Variants in MINPP1 observed in about 807,000 individuals in gnomAD.
MINPP1 encodes multiple inositol-polyphosphate phosphatase 1.
A neutral mutation model predicts 46.1 loss-of-function variants in MINPP1; 28 were observed. The observed-to-expected ratio is 0.61, with a 90% CI of 0.45 to 0.83. The LOEUF (loss-of-function observed/expected upper bound fraction) is 0.83. Among genes scored for constraint, MINPP1 ranks in the 40% least tolerant of loss-of-function variants. The probability of loss-of-function intolerance (pLI) is 0.00; values close to 1 mark genes in which losing one functional copy is unlikely to be tolerated. For missense variants in MINPP1, 603 were observed against 610.0 expected (o/e 0.99, Z 0.12); for synonymous variants, 268 against 249.1 (o/e 1.08, Z -0.72).
intron 4 of MINPP1, among the ~76,000 whole-genome samples, chr10:87,522,023 A>T (rs1271433437): frequency 6.6e-6 from 1 of 152,154 alleles, no homozygotes; most frequent in Non-Finnish European, 1.5e-5. Context: ...AGTTTTCCCA[A>T]ACTGGATTGT....
At chr10:87,515,426 T>A (rs1019975181) in intron 3 of MINPP1, among the ~76,000 whole-genome samples, 7 of 152,114 alleles carry the variant, frequency 4.6e-5, no homozygotes, top group African/African-American at 1.7e-4. Flanking sequence ...AACTTCTAAT[T>A]TAAATGACTG....
chr10:87,545,604 T>A (rs1851876094), intron 4 of MINPP1, among the ~76,000 whole-genome samples: 1 of 152,218 alleles, frequency 6.6e-6, no homozygotes, highest in Non-Finnish European at 1.5e-5. Flanking sequence ...ATATGTCTTA[T>A]AATCCAGTGT....
chr10:87,522,640 G>T (rs1318989838), intron 4 of MINPP1, among the ~76,000 whole-genome samples: 1 of 152,210 alleles, frequency 6.6e-6, no homozygotes, highest in Non-Finnish European at 1.5e-5. Context: ...ATGATCATCT[G>T]AGCCTTCAGA....
At chr10:87,550,547 TCTG>T (rs1156280199) in intron 4 of MINPP1, among the ~76,000 whole-genome samples, 1 of 152,190 alleles carries the variant, frequency 6.6e-6, no homozygotes, top group Non-Finnish European at 1.5e-5. Flanking sequence ...TGGAAGTTAT[TCTG>T]CTCCTTATTT....
intron 4 of MINPP1, among the ~76,000 whole-genome samples, chr10:87,539,754 A>T (rs1248306762): frequency 6.6e-6 from 1 of 152,188 alleles, no homozygotes; most frequent in African/African-American, 2.4e-5. Context: ...CCATTTTCTT[A>T]GATTCTCAGA....
chr10:87,520,582 C>A (rs1289337449), intron 3 of MINPP1, among the ~76,000 whole-genome samples: 3 of 152,154 alleles, frequency 2.0e-5, no homozygotes, highest in Non-Finnish European at 4.4e-5. Flanking sequence ...ATACATTTCT[C>A]ATCCACCTAT....
intron 3 of MINPP1, among the ~76,000 whole-genome samples, chr10:87,515,026 G>C (rs1851393386): frequency 6.6e-6 from 1 of 151,772 alleles, no homozygotes; most frequent in African/African-American, 2.4e-5. Context: ...AGTGATGTTT[G>C]ATCATTAGAT....
At chr10:87,522,605 A>C (rs1350509860) in intron 4 of MINPP1, among the ~76,000 whole-genome samples, 2 of 152,194 alleles carry the variant, frequency 1.3e-5, no homozygotes, top group Non-Finnish European at 2.9e-5. Flanking sequence ...TTAATTTAAA[A>C]ATGCTTTATT....
At chr10:87,507,328 C>A (rs1225442130) in intron 1 of MINPP1, among the ~76,000 whole-genome samples, 2 of 152,134 alleles carry the variant, frequency 1.3e-5, no homozygotes, top group African/African-American at 4.8e-5. Flanking sequence ...TAGATAGTAA[C>A]AAGGATAAAA....
chr10:87,534,536 A>AT (rs571043081), intron 4 of MINPP1, among the ~76,000 whole-genome samples: 9 of 151,586 alleles, frequency 5.9e-5, no homozygotes, highest in South Asian at 4.2e-4. Context: ...ACCTTTGTAC[A>AT]TTTTTTTTTA....
At chr10:87,544,910 A>T (rs902762633) in intron 4 of MINPP1, among the ~76,000 whole-genome samples, 1 of 152,160 alleles carries the variant, frequency 6.6e-6, no homozygotes, top group East Asian at 1.9e-4. Flanking sequence ...ATATTCTGAG[A>T]TGTTATGTAA....
At chr10:87,535,862 G>A (rs562205035) in intron 4 of MINPP1, among the ~76,000 whole-genome samples, 473 of 152,264 alleles carry the variant, frequency 3.1e-3, no homozygotes, top group Non-Finnish European at 5.7e-3. Flanking sequence ...CAGGGAGCTC[G>A]AGTCTAGGGT....
At chr10:87,517,356 T>C (rs553458763) in intron 3 of MINPP1, among the ~76,000 whole-genome samples, 4 of 152,242 alleles carry the variant, frequency 2.6e-5, no homozygotes, top group South Asian at 2.1e-4. Flanking sequence ...CCGTAAAACA[T>C]GTACCTGTAG....
At chr10:87,545,398 C>T (rs1851872422) in intron 4 of MINPP1, among the ~76,000 whole-genome samples, 1 of 151,224 alleles carries the variant, frequency 6.6e-6, no homozygotes, top group Admixed American at 6.6e-5. Context: ...GTGATTTATA[C>T]ATATGTCTTG....
intron 4 of MINPP1, among the ~76,000 whole-genome samples, chr10:87,539,956 TC>T (rs1214388447): frequency 6.6e-6 from 1 of 152,246 alleles, no homozygotes; most frequent in Non-Finnish European, 1.5e-5. Flanking sequence ...ATCCTCGACT[TC>T]CTGGGCTCAA....
At chr10:87,548,023 G>GTT (rs1564684264) in intron 4 of MINPP1, among the ~76,000 whole-genome samples, 1 of 152,190 alleles carries the variant, frequency 6.6e-6, no homozygotes, top group Non-Finnish European at 1.5e-5. Flanking sequence ...TCATAACCAA[G>GTT]TTATGCCCTG....
Position 87,531,839 on chromosome 10 carries a change from C to A in MINPP1, c.1067+10670C>A, listed in dbSNP as rs1437854503. 7.2e-5 allele frequency among the ~76,000 whole-genome samples: 11 copies of A among 151,762 alleles called. No individual in the cohort carries two copies. The South Asian group carries it at 1.2e-3, about 17-fold the overall frequency. Reference sequence around the variant, plus strand: ...TCATGTCTAGACTTGGGTCCCATCCCCAAGATTATATATATGAAAATATTT... The same window carrying A: ...TCATGTCTAGACTTGGGTCCCATCCACAAGATTATATATATGAAAATATTT... On this transcript the variant is annotated intron_variant, in intron 4 of 4. Coordinates refer to ENST00000371996, the MANE Select transcript of MINPP1 (RefSeq NM_004897.5).
intron 4 of MINPP1, among the ~76,000 whole-genome samples, chr10:87,524,082 T>TA (rs1851540592): frequency 6.6e-6 from 1 of 152,236 alleles, no homozygotes; most frequent in African/African-American, 2.4e-5. Context: ...TCCTATCCTT[T>TA]GAAGCCAGAC....
intron 4 of MINPP1, among the ~76,000 whole-genome samples, chr10:87,528,008 C>T (rs974273764): frequency 3.9e-5 from 6 of 152,120 alleles, no homozygotes; most frequent in Admixed American, 1.3e-4. Context: ...GATGTTTATA[C>T]TATTCTCTGA....
Sources: gnomAD v4.1 joint callset for allele counts (sites outside exome capture counted in the v4.1 genomes callset) on GRCh38, gnomAD v4.1.1 for gene constraint, MANE v1.5 for transcripts, NCBI Gene and HGNC (gene_info 2026-07-23, HGNC 2026-07-21) for gene names.